TOGARAM2: variants seen among roughly 807,000 people sequenced by gnomAD.
TOGARAM2 encodes the protein TOG array regulator of axonemal microtubules protein 2.
TOGARAM2 carries 85 observed loss-of-function variants against 93.3 expected under a neutral mutation model. That is an observed-to-expected ratio of 0.91 (90% CI 0.76 to 1.09). The LOEUF (loss-of-function observed/expected upper bound fraction) is 1.09, where lower values mean the gene tolerates loss of function less well. TOGARAM2 is among the 50% of genes least tolerant of loss of function. The pLI is 0.00. For missense variants in TOGARAM2, 1,277 were observed against 1,334.5 expected, an observed-to-expected ratio of 0.96 and a Z score of 0.67; for synonymous variants, 593 against 552.8, an observed-to-expected ratio of 1.07 and a Z score of -1.02.
chr2:28,964,037 T>G (rs567486155), intron 1 of TOGARAM2, among the ~76,000 whole-genome samples: 2 of 152,284 alleles, frequency 1.3e-5, no homozygotes, highest in Non-Finnish European at 2.9e-5. Flanking sequence ...CTGCTATTGT[T>G]GGGTGCAATG....
upstream of TOGARAM2, among the ~76,000 whole-genome samples, chr2:28,976,716 C>T (rs4586599): frequency 0.41 from 62,856 of 152,166 alleles, 13,819 homozygotes; most frequent in Non-Finnish European, 0.5. Flanking sequence ...ATAAGAGGGG[C>T]TTGGCCTAGT....
Position 29,002,907 on chromosome 2 carries a change from C to T in TOGARAM2, c.639+160C>T, listed in dbSNP as rs559143757. On this transcript the variant is annotated intron_variant, in intron 5 of 19. Coordinates refer to ENST00000379558, the MANE Select transcript of TOGARAM2 (RefSeq NM_199280.4). Reference sequence around the variant, plus strand: ...AGGATAGGGACAGCACTGGGAGAGGCTCAAGGTGCTCATTTCACCACCTCC... The same window carrying T: ...AGGATAGGGACAGCACTGGGAGAGGTTCAAGGTGCTCATTTCACCACCTCC... Among the ~76,000 whole-genome samples, 5 of 152,306 alleles carry T rather than the reference C, an allele frequency of 3.3e-5. No individual in the cohort carries two copies. The South Asian group carries it at 8.3e-4, about 25-fold the overall frequency.
intron 1 of TOGARAM2, among the ~76,000 whole-genome samples, chr2:28,985,399 C>T (rs1672423319): frequency 6.6e-6 from 1 of 150,996 alleles, no homozygotes; most frequent in Admixed American, 6.6e-5. Context: ...CGGAGTTTTG[C>T]TCTTGTTGCC....
chr2:28,974,642 C>T (rs1168946664), intron 1 of TOGARAM2, among the ~76,000 whole-genome samples: 4 of 151,846 alleles, frequency 2.6e-5, no homozygotes, highest in Non-Finnish European at 5.9e-5. Context: ...GAGACAGGGT[C>T]TTGCTGTGTC....
At chr2:28,964,571 G>C (rs560307538) in intron 1 of TOGARAM2, among the ~76,000 whole-genome samples, 1 of 151,574 alleles carries the variant, frequency 6.6e-6, no homozygotes, top group Non-Finnish European at 1.5e-5. Context: ...TTGCTGCCCA[G>C]ATCAACCCAT....
At chr2:29,032,621 G>T in intron 14 of TOGARAM2, 1 of 258,682 alleles carries the variant, frequency 3.9e-6, no homozygotes, top group East Asian at 9.3e-5. Flanking sequence ...TTGGGAAGAT[G>T]ATTAATGAAT....
chr2:29,001,593 C>G (rs1673301614), intron 4 of TOGARAM2, among the ~76,000 whole-genome samples: 1 of 151,998 alleles, frequency 6.6e-6, no homozygotes, highest in Non-Finnish European at 1.5e-5. Flanking sequence ...CTCCACCTCC[C>G]AGGTTCAAGC....
intron 1 of TOGARAM2, among the ~76,000 whole-genome samples, chr2:28,969,781 A>G (rs1671917997): frequency 6.8e-6 from 1 of 147,588 alleles, no homozygotes; most frequent in Non-Finnish European, 1.5e-5. Context: ...CTTTCTTTTT[A>G]TCTTCCCTTC....
rs765247449 is a variant in TOGARAM2, at chr2:29,017,267, C to A, written c.1158C>A (p.Ser386=). 6.8e-6 allele frequency: 11 copies of A among 1,612,808 alleles called. No homozygotes were observed. The South Asian group carries it at 1.2e-4, about 18-fold the overall frequency. ...EEPRTGQELT[S]QCLGSQRAFM... Reference sequence around the variant, plus strand: ...CCAGGACAGGGCAGGAGCTCACTTCCCAGTGCCTGGGCTCCCAGAGAGCCT... The same window carrying A: ...CCAGGACAGGGCAGGAGCTCACTTCACAGTGCCTGGGCTCCCAGAGAGCCT... The change falls in exon 9 of 20, where the codon TCC becomes TCA. Residue 386 remains serine, a synonymous_variant. Coordinates refer to ENST00000379558, the MANE Select transcript of TOGARAM2 (RefSeq NM_199280.4).
rs1010144384 is a variant in TOGARAM2, at chr2:29,023,201, C to A, written c.1617+10C>A. On this transcript the variant is annotated intron_variant, in intron 12 of 19. Transcript: ENST00000379558. ...GGTGGTGACTGGGGAGGTGAGGCCC[C>A]CCAGCCTGTGTGCTGTGCATTTGGC... is the stretch of plus-strand genomic sequence containing the variant. 6.4e-6 allele frequency: 10 copies of A among 1,569,692 alleles called. No individual in the cohort carries two copies. In the African/African-American group the frequency reaches 1.2e-4, roughly 19 times the overall value.
At chr2:28,966,281 T>C (rs547758691) in intron 1 of TOGARAM2, among the ~76,000 whole-genome samples, 70 of 151,892 alleles carry the variant, frequency 4.6e-4, no homozygotes, top group Non-Finnish European at 7.9e-4. Flanking sequence ...GTGAGCTTAT[T>C]TAATTTTTTT....
At chr2:28,983,014 G>A (rs1672278715) in intron 1 of TOGARAM2, among the ~76,000 whole-genome samples, 1 of 148,578 alleles carries the variant, frequency 6.7e-6, no homozygotes, top group African/African-American at 2.5e-5. Flanking sequence ...TTGAGACAAG[G>A]TTTCACTCTG....
At chr2:29,025,081 G>T (rs1410920004) in intron 13 of TOGARAM2, among the ~76,000 whole-genome samples, 1 of 152,170 alleles carries the variant, frequency 6.6e-6, no homozygotes, top group East Asian at 1.9e-4. Flanking sequence ...TGATGCGTGA[G>T]GTTTCTCAGT....
chr2:28,983,181 T>TATAA (rs1553334852), intron 1 of TOGARAM2, among the ~76,000 whole-genome samples: 33 of 32,598 alleles, frequency 1.0e-3, no homozygotes, highest in Admixed American at 1.6e-3. Context: ...TATATAAATA[T>TATAA]ATATATATAT....
intron 1 of TOGARAM2, among the ~76,000 whole-genome samples, chr2:28,983,294 C>A (rs765738636): frequency 8.4e-6 from 1 of 119,450 alleles, no homozygotes. Flanking sequence ...ATATGCCTGC[C>A]TTGGCCTCCC....
chr2:29,033,626 G>T (rs1032804275), intron 16 of TOGARAM2, 63 bp downstream of exon 16: 10 of 1,521,306 alleles, frequency 6.6e-6, no homozygotes, highest in Non-Finnish European at 9.0e-6. Flanking sequence ...CATCCTGCTT[G>T]TCCATGGCCA....
Position 28,994,788 on chromosome 2 carries a change from A to G in TOGARAM2, c.-47A>G. 6.4e-7 allele frequency: 1 copy of G among 1,550,728 alleles called. No individual in the cohort carries two copies. Among genetic ancestry groups the G allele is most frequent in the Admixed American group, 2.0e-5 (1 of 50,994 alleles). ...AGGACTGTACTCACTGCCCAGAAAT[A>G]GCTGCTGCCTCTGGGCAACCTTGTA... On this transcript the variant is annotated 5_prime_UTR_variant, in exon 2 of 20. In the 5' UTR this introduces an upstream ATG that the reference lacks. Coordinates refer to ENST00000379558, the MANE Select transcript of TOGARAM2 (RefSeq NM_199280.4).
At chr2:29,032,371 C>G (rs1348741028) in intron 14 of TOGARAM2, among the ~76,000 whole-genome samples, 1 of 152,210 alleles carries the variant, frequency 6.6e-6, no homozygotes, top group African/African-American at 2.4e-5. Context: ...TGAACTCCTA[C>G]TTATCTGTTG....
intron 18 of TOGARAM2, among the ~76,000 whole-genome samples, chr2:29,044,410 C>T (rs1470742249): frequency 6.6e-6 from 1 of 152,080 alleles, no homozygotes; most frequent in Non-Finnish European, 1.5e-5. Flanking sequence ...AATATGTGCT[C>T]CTCAGCCCAC....
Sources: allele counts gnomAD v4.1 joint callset (sites outside exome capture counted in the v4.1 genomes callset), GRCh38; gene constraint gnomAD v4.1.1; transcripts MANE v1.5; gene names NCBI Gene and HGNC (gene_info 2026-07-23, HGNC 2026-07-21).